Variants in PTPRE observed in about 807,000 individuals in gnomAD.
The protein encoded by PTPRE is receptor-type tyrosine-protein phosphatase epsilon.
PTPRE carries 51 observed loss-of-function variants against 102.0 expected under a neutral mutation model. The observed-to-expected ratio is 0.50, with a 90% CI of 0.40 to 0.63. The LOEUF (loss-of-function observed/expected upper bound fraction) is 0.63. PTPRE is among the 30% of genes least tolerant of loss of function. PTPRE has a pLI of 0.00. For synonymous variants in PTPRE, 345 were observed against 348.2 expected (o/e 0.99, Z 0.10); for missense variants, 752 against 915.1 (o/e 0.82, Z 2.30).
intron 2 of PTPRE, among the ~76,000 whole-genome samples, chr10:128,024,156 G>A (rs1320258840): frequency 6.6e-6 from 1 of 152,186 alleles, no homozygotes; most frequent in Non-Finnish European, 1.5e-5. Context: ...CCCCCATTCA[G>A]GAACGAAGAG....
chr10:127,981,968 G>A (rs1426193516), intron 1 of PTPRE, among the ~76,000 whole-genome samples: 2 of 152,170 alleles, frequency 1.3e-5, no homozygotes, highest in Non-Finnish European at 2.9e-5. Flanking sequence ...TTGAAGGGGA[G>A]GGAACCCTAT....
chr10:128,070,686 C>T lies in PTPRE; in HGVS notation c.1294-122C>T. The T allele has an allele frequency of 8.1e-7, 1 of 1,227,580 alleles. No individual in the cohort carries two copies. Among genetic ancestry groups the T allele is most frequent in the Non-Finnish European group, 1.1e-6 (1 of 877,406 alleles). 76.0% of individuals were successfully genotyped at this position (1,227,580 alleles called of 1,614,324 possible). A position where few individuals can be genotyped will look rare whatever the true frequency, so the allele number is the denominator to read the frequency against. ...TATTTCCCAATGCTAAGGAGGCTTC[C>T]TGGGTTGGAGAGTGGTTTCCTTTGA... On this transcript the variant is annotated intron_variant, in intron 14 of 20. Transcript: ENST00000254667. The surrounding 1 kb of genome is among the most constrained non-coding windows in gnomAD (Gnocchi z 4.8).
rs984397576 is a variant in PTPRE at position 128,067,114 on chromosome 10, G to A, written c.843+920G>A. The stretch of plus-strand genomic sequence containing the variant: ...CACATGCACACACACGCACACAACC[G>A]TACAATGCATGCACGTTCACACACA... On this transcript the variant is annotated intron_variant, in intron 11 of 20. Coordinates refer to ENST00000254667, the MANE Select transcript of PTPRE (RefSeq NM_006504.6). Among the ~76,000 whole-genome samples the A allele has an allele frequency of 1.2e-4, 16 of 137,282 alleles. No individual in the cohort carries two copies. In the South Asian group the frequency reaches 2.4e-3, roughly 20 times the overall value. The allele number at this position is 137,282 out of a possible 152,430, so 90.1% of individuals were successfully genotyped here.
chr10:127,979,484 A>T (rs1404824844), intron 1 of PTPRE, among the ~76,000 whole-genome samples: 1 of 152,190 alleles, frequency 6.6e-6, no homozygotes, highest in Non-Finnish European at 1.5e-5. Flanking sequence ...ATCATGTGTG[A>T]GCCACAAACC....
At chr10:127,921,013 T>C (rs569922682) in intron 1 of PTPRE, among the ~76,000 whole-genome samples, 8 of 152,194 alleles carry the variant, frequency 5.3e-5, no homozygotes, top group Admixed American at 3.3e-4. Context: ...TTCCTCGGTG[T>C]CTGGGGCTTG....
chr10:127,987,755 G>A (rs1852220146), intron 2 of PTPRE, among the ~76,000 whole-genome samples: 2 of 152,194 alleles, frequency 1.3e-5, no homozygotes, highest in Non-Finnish European at 2.9e-5. Flanking sequence ...AGGCCGGCTC[G>A]ATGACATGGG....
At chr10:127,963,249 A>G (rs1022354805) in intron 1 of PTPRE, among the ~76,000 whole-genome samples, 2 of 152,154 alleles carry the variant, frequency 1.3e-5, no homozygotes, top group African/African-American at 4.8e-5. Flanking sequence ...CACACAGACC[A>G]GCAGAAACAT....
rs1390570225 is a variant in PTPRE, at chr10:128,061,548, T to A, written c.589-131T>A. 3.5e-6 allele frequency: 4 copies of A among 1,144,342 alleles called. No individual in the cohort carries two copies. The African/African-American group carries it at 6.4e-5, about 18-fold the overall frequency. 70.9% of individuals were successfully genotyped at this position (1,144,342 alleles called of 1,614,324 possible). A position where few individuals can be genotyped will look rare whatever the true frequency, so the allele number is the denominator to read the frequency against. On this transcript the variant is annotated intron_variant, in intron 8 of 20. Transcript: ENST00000254667. ...GGAATTGCTGGTGAGTTTTCTTTCC[T>A]TCTTAACCTTTTCCTGTGTTTTGCA...
intron 2 of PTPRE, among the ~76,000 whole-genome samples, chr10:128,002,283 AG>A (rs1223535531): frequency 2.0e-5 from 3 of 152,064 alleles, no homozygotes; most frequent in Admixed American, 6.5e-5. Context: ...GCGGGCATCG[AG>A]GGGGAACAAG....
At chr10:128,032,358 G>T (rs1249072143) in intron 2 of PTPRE, among the ~76,000 whole-genome samples, 1 of 152,200 alleles carries the variant, frequency 6.6e-6, no homozygotes, top group African/African-American at 2.4e-5. Context: ...TGCATTAACA[G>T]AATCCAGGAA....
chr10:127,989,746 T>C (rs1356912467), intron 2 of PTPRE, among the ~76,000 whole-genome samples: 3 of 152,252 alleles, frequency 2.0e-5, no homozygotes, highest in Non-Finnish European at 4.4e-5. Flanking sequence ...ATCCTGTGGA[T>C]TCTGCAAACG....
At position 128,029,751 on chromosome 10, in the gene PTPRE, A is replaced by G. The variant is rs539451956; in HGVS notation, c.-7-11124A>G. Among the ~76,000 whole-genome samples, 12 of 152,354 alleles carry G rather than the reference A, an allele frequency of 7.9e-5. No individual in the cohort carries two copies. The East Asian group carries it at 1.9e-3, about 24-fold the overall frequency. On this transcript the variant is annotated intron_variant, in intron 2 of 20. Coordinates refer to ENST00000254667, the MANE Select transcript of PTPRE (RefSeq NM_006504.6). ...GACGGCATGTGTCCAAGTTGAGCTG[A>G]GACGGACTGTAAGCCCAGGCCTGCC...
chr10:127,982,873 A>G (rs550530262), intron 2 of PTPRE, among the ~76,000 whole-genome samples: 1 of 152,308 alleles, frequency 6.6e-6, no homozygotes, highest in African/African-American at 2.4e-5. Context: ...ACTTTAAACA[A>G]CAGAGCCCTT....
At chr10:127,959,791 G>A (rs1475245203) in intron 1 of PTPRE, among the ~76,000 whole-genome samples, 1 of 152,140 alleles carries the variant, frequency 6.6e-6, no homozygotes, top group Non-Finnish European at 1.5e-5. Context: ...TCCTTTCCCT[G>A]ACTGTAAAGT....
At chr10:127,989,816 C>T (rs183930028) in intron 2 of PTPRE, among the ~76,000 whole-genome samples, 25 of 152,304 alleles carry the variant, frequency 1.6e-4, no homozygotes, top group African/African-American at 5.8e-4. Flanking sequence ...TTGATCTTGG[C>T]CAGAGTTCCC....
At chr10:127,937,788 G>A (rs1847940469) in intron 1 of PTPRE, among the ~76,000 whole-genome samples, 1 of 152,198 alleles carries the variant, frequency 6.6e-6, no homozygotes, top group Non-Finnish European at 1.5e-5. Flanking sequence ...GAACCCAGGA[G>A]GCTGAGGTTG....
chr10:127,953,263 G>A (rs552793378), intron 1 of PTPRE, among the ~76,000 whole-genome samples: 41 of 152,340 alleles, frequency 2.7e-4, no homozygotes, highest in Admixed American at 1.3e-3. Context: ...GTCAGTGGCC[G>A]ATAGGGATGC....
rs1162969419 is a variant in PTPRE, at chr10:128,084,970, C to A, written c.*2064C>A. ...TTTAAGGTAGACCTTTTCAGGGTGC[C>A]CTCAGGAAAGGGCCCTGCTCATGTT... On this transcript the variant is annotated 3_prime_UTR_variant, in exon 21 of 21. Transcript: ENST00000254667. 5.6e-6 allele frequency: 2 copies of A among 354,274 alleles called. No homozygotes were observed. The highest frequency in any genetic ancestry group is 3.5e-5 in the Admixed American group (1 of 28,364). The allele number at this position is 354,274 out of a possible 1,614,324, so 21.9% of individuals were successfully genotyped here.
rs116916133 is a variant in PTPRE, at chr10:127,918,736, G to A, written c.-31+11427G>A. Among the ~76,000 whole-genome samples the A allele has an allele frequency of 8.5e-3, 1,297 of 152,334 alleles. 9 individuals carry two copies. The highest frequency in any genetic ancestry group is 0.015 in the Non-Finnish European group (1,031 of 68,032). On this transcript the variant is annotated intron_variant, in intron 1 of 20. Coordinates refer to ENST00000254667, the MANE Select transcript of PTPRE (RefSeq NM_006504.6). ...TCCTGGCAGTTGTCACTTTGGCAGAGTCGGAGGACAGACACACAATGACAG... is the reference window on the plus strand; with the variant it reads ...TCCTGGCAGTTGTCACTTTGGCAGAATCGGAGGACAGACACACAATGACAG...
Sources: allele counts gnomAD v4.1 joint callset (sites outside exome capture counted in the v4.1 genomes callset), GRCh38; gene constraint gnomAD v4.1.1; non-coding constraint Gnocchi (gnomAD v3.1); transcripts MANE v1.5; gene names NCBI Gene and HGNC (gene_info 2026-07-23, HGNC 2026-07-21).